The following PIKFYVE variants were observed in gnomAD, a reference collection of about 807,000 sequenced individuals.
PIKFYVE encodes the protein 1-phosphatidylinositol 3-phosphate 5-kinase.
PIKFYVE carries 122 observed loss-of-function variants against 257.9 expected under a neutral mutation model. The ratio of observed to expected loss-of-function variants is 0.47; its 90% CI spans 0.41 to 0.55. The LOEUF is 0.55. Ranked by LOEUF, PIKFYVE falls within the 20% of genes least tolerant of loss-of-function variation. The probability of loss-of-function intolerance (pLI) is 0.00; values close to 1 mark genes in which losing one functional copy is unlikely to be tolerated. For missense variants in PIKFYVE, 2,160 were observed against 2,536.6 expected (o/e 0.85, Z 3.19); for synonymous variants, 892 against 868.9 (o/e 1.03, Z -0.47).
In PIKFYVE at chr2:208,326,252, C is replaced by A; in HGVS notation, c.3441C>A (p.Ser1147Arg). Residue 1147 changes from serine to arginine, a missense_variant, in exon 20 of 42, where the codon AGC becomes AGA. Physicochemically the swap from Ser to Arg is moderately radical, Grantham distance 110. Transcript: ENST00000264380. ...RIAEHLGDSQ[S>R]LGRMLADYRA... Reference sequence around the variant, plus strand: ...CTGAGCATCTGGGCGATAGCCAGAGCTTGGGTAGAATGCTGGCCGATTATC... The same window carrying A: ...CTGAGCATCTGGGCGATAGCCAGAGATTGGGTAGAATGCTGGCCGATTATC... 1 of 1,591,600 alleles carries A rather than the reference C, an allele frequency of 6.3e-7. No homozygotes were observed. Among genetic ancestry groups the A allele is most frequent in the South Asian group, 1.2e-5 (1 of 86,892 alleles).
chr2:208,304,877 C>T lies in PIKFYVE; in HGVS notation c.1500C>T (p.Val500=). ...CCAGTCCTAGCAAGCGCACATCAGTCAGCAGTTTCCAGTCCACAGTGGACA... is the reference window on the plus strand; with the variant it reads ...CCAGTCCTAGCAAGCGCACATCAGTTAGCAGTTTCCAGTCCACAGTGGACA... ...NSASPSKRTS[V]SSFQSTVDSD... The change falls in exon 12 of 42, where the codon GTC becomes GTT. Residue 500 remains valine (V), a synonymous_variant. Coordinates refer to ENST00000264380, the MANE Select transcript of PIKFYVE (RefSeq NM_015040.4). 1.2e-6 allele frequency: 2 copies of T among 1,614,162 alleles called. No homozygotes were observed. Among genetic ancestry groups the T allele is most frequent in the South Asian group, 1.1e-5 (1 of 91,072 alleles).
chr2:208,318,686 A>G (rs543604369), intron 16 of PIKFYVE, among the ~76,000 whole-genome samples: 1 of 152,218 alleles, frequency 6.6e-6, no homozygotes, highest in Admixed American at 6.5e-5. Context: ...AGTAGGCACT[A>G]GGCTGAGTGT....
chr2:208,279,614 T>C (rs1690547094), intron 5 of PIKFYVE, among the ~76,000 whole-genome samples: 1 of 152,234 alleles, frequency 6.6e-6, no homozygotes, highest in Non-Finnish European at 1.5e-5. Context: ...TTCTTTTGCA[T>C]ATGGCTAGCC....
At chr2:208,302,514 G>T in intron 10 of PIKFYVE, 161 bp downstream of exon 10, 1 of 664,374 alleles carries the variant, frequency 1.5e-6, no homozygotes, top group Non-Finnish European at 2.6e-6. Context: ...GTAGGCAGCA[G>T]TGATGAAAAA....
At chr2:208,344,073 C>T (rs1698995521) in intron 32 of PIKFYVE, among the ~76,000 whole-genome samples, 1 of 152,000 alleles carries the variant, frequency 6.6e-6, no homozygotes, top group Non-Finnish European at 1.5e-5. Context: ...CCGCCTCGGC[C>T]TCCCAAAGTG....
chr2:208,327,345 A>G (rs983243880), intron 20 of PIKFYVE, among the ~76,000 whole-genome samples: 2 of 152,214 alleles, frequency 1.3e-5, no homozygotes, highest in Non-Finnish European at 2.9e-5. Flanking sequence ...CCAACTTTTT[A>G]TAATCTATCC....
At chr2:208,290,848 A>G (rs1692220625) in intron 7 of PIKFYVE, among the ~76,000 whole-genome samples, 1 of 152,124 alleles carries the variant, frequency 6.6e-6, no homozygotes, top group African/African-American at 2.4e-5. Flanking sequence ...TGACTTTTGT[A>G]TATTAATCTT....
At chr2:208,307,073 C>A (rs1347373624) in intron 12 of PIKFYVE, among the ~76,000 whole-genome samples, 3 of 152,222 alleles carry the variant, frequency 2.0e-5, no homozygotes, top group Non-Finnish European at 4.4e-5. Flanking sequence ...GCCACTGTGC[C>A]TGGCCCTCAA....
chr2:208,339,644 A>G (rs1187793423), intron 30 of PIKFYVE, 89 bp downstream of exon 30: 6 of 1,495,174 alleles, frequency 4.0e-6, no homozygotes, highest in Admixed American at 3.7e-5. Flanking sequence ...CCATTTCTCT[A>G]AGGACAGATA....
chr2:208,355,165 C>T, intron 41 of PIKFYVE, 25 bp from the exon 42 acceptor site: 1 of 1,566,452 alleles, frequency 6.4e-7, no homozygotes, highest in African/African-American at 1.4e-5. Context: ...CAGCTTTTTC[C>T]CCCTTTTCTC....
intron 17 of PIKFYVE, among the ~76,000 whole-genome samples, chr2:208,323,019 A>G (rs1031834932): frequency 7.3e-5 from 11 of 151,684 alleles, no homozygotes; most frequent in Non-Finnish European, 1.2e-4. Context: ...TACAAAGGAC[A>G]TGAACTCATC....
intron 7 of PIKFYVE, among the ~76,000 whole-genome samples, chr2:208,294,304 G>C (rs1188958752): frequency 2.0e-5 from 3 of 151,996 alleles, no homozygotes; most frequent in Non-Finnish European, 4.4e-5. Flanking sequence ...TATATTATCT[G>C]TTCTTGCCTG....
At chr2:208,327,591 G>A (rs1191088216) in intron 20 of PIKFYVE, among the ~76,000 whole-genome samples, 8 of 152,188 alleles carry the variant, frequency 5.3e-5, no homozygotes, top group Non-Finnish European at 8.8e-5. Context: ...AGTGATGTGT[G>A]TATGTGGGAC....
intron 27 of PIKFYVE, 131 bp downstream of exon 27, chr2:208,336,331 G>T: frequency 1.0e-6 from 1 of 982,634 alleles, no homozygotes; most frequent in South Asian, 1.4e-5. Context: ...TTTGTTTCCT[G>T]TCACTCTCCT....
chr2:208,280,707 T>G (rs1485487674), intron 5 of PIKFYVE, among the ~76,000 whole-genome samples: 1 of 152,122 alleles, frequency 6.6e-6, no homozygotes, highest in Non-Finnish European at 1.5e-5. Context: ...GGGAATTGAG[T>G]GAAGGATCGT....
intron 3 of PIKFYVE, 139 bp from the exon 4 acceptor site, chr2:208,276,573 A>C: frequency 3.8e-4 from 260 of 685,304 alleles, no homozygotes; most frequent in East Asian, 4.5e-4. Context: ...GACTTGTTTT[A>C]ACTCTCAATT....
chr2:208,300,226 G>A (rs1225647219), intron 8 of PIKFYVE, among the ~76,000 whole-genome samples: 2 of 152,164 alleles, frequency 1.3e-5, no homozygotes, highest in Non-Finnish European at 2.9e-5. Context: ...TGAAGGACTT[G>A]AACTGGACCT....
chr2:208,266,537 AG>A (rs1688651497), intron 1 of PIKFYVE, 122 bp downstream of exon 1: 2 of 152,722 alleles, frequency 1.3e-5, no homozygotes, highest in African/African-American at 4.8e-5. Context: ...GTCGGGGGCT[AG>A]GGCCTGGCTG....
chr2:208,341,467 A>G (rs190715607), intron 31 of PIKFYVE, among the ~76,000 whole-genome samples: 2 of 152,054 alleles, frequency 1.3e-5, no homozygotes, highest in Admixed American at 1.3e-4. Context: ...TTTCTATTAT[A>G]TGCTCTTATG....
Sources: allele counts gnomAD v4.1 joint callset (sites outside exome capture counted in the v4.1 genomes callset), GRCh38; gene constraint gnomAD v4.1.1; transcripts MANE v1.5; gene names NCBI Gene and HGNC (gene_info 2026-07-23, HGNC 2026-07-21).